The following ABTB2 variants were observed in gnomAD, a reference collection of about 807,000 sequenced individuals.
The protein encoded by ABTB2 is ankyrin repeat and BTB domain containing 2.
A neutral mutation model predicts 104.1 loss-of-function variants in ABTB2; 56 were observed. The ratio of observed to expected loss-of-function variants is 0.54; its 90% confidence interval spans 0.43 to 0.67. The LOEUF (loss-of-function observed/expected upper bound fraction) is 0.67. Among genes scored for constraint, ABTB2 ranks in the 30% least tolerant of loss-of-function variants. The pLI is 0.00. For synonymous variants in ABTB2, 606 were observed against 608.2 expected, an observed-to-expected ratio of 1.00 and a Z score of 0.05; for missense variants, 1,279 against 1,407.7, an observed-to-expected ratio of 0.91 and a Z score of 1.46.
chr11:34,200,869 G>A (rs1188043440), intron 2 of ABTB2, among the ~76,000 whole-genome samples: 5 of 152,024 alleles, frequency 3.3e-5, no homozygotes, highest in South Asian at 2.1e-4. Context: ...TCTGTGAACC[G>A]GGACAGGTCC....
intron 1 of ABTB2, among the ~76,000 whole-genome samples, chr11:34,331,108 T>C (rs1273827643): frequency 1.3e-5 from 2 of 152,186 alleles, no homozygotes; most frequent in Non-Finnish European, 1.5e-5. Flanking sequence ...ATGGGCTGCT[T>C]GCAGGAAAGA....
chr11:34,335,774 T>C (rs1327196944), intron 1 of ABTB2: 4 of 1,382,446 alleles, frequency 2.9e-6, no homozygotes, highest in South Asian at 2.3e-5. Context: ...TCAAAACCTA[T>C]GATCCCAGGA....
chr11:34,275,992 T>A (rs906726417), intron 1 of ABTB2, among the ~76,000 whole-genome samples: 1 of 152,276 alleles, frequency 6.6e-6, no homozygotes, highest in African/African-American at 2.4e-5. Flanking sequence ...CACTGTCAAA[T>A]ACCTGAACAG....
At chr11:34,162,408 G>A (rs546689737) in intron 10 of ABTB2, among the ~76,000 whole-genome samples, 168 bp downstream of exon 10, 32 of 152,290 alleles carry the variant, frequency 2.1e-4, no homozygotes, top group African/African-American at 6.3e-4. Context: ...TGAACTGGCC[G>A]TGTAGCAGGG....
intron 14 of ABTB2, among the ~76,000 whole-genome samples, chr11:34,156,600 C>A (rs914510048): frequency 6.6e-6 from 1 of 151,874 alleles, no homozygotes; most frequent in African/African-American, 2.4e-5. Flanking sequence ...CTCGGCTCAC[C>A]GCAACCTCCA....
intron 3 of ABTB2, among the ~76,000 whole-genome samples, 200 bp downstream of exon 3, chr11:34,197,125 C>CA (rs1190530307): frequency 6.9e-6 from 1 of 144,054 alleles, no homozygotes; most frequent in Non-Finnish European, 1.5e-5. Flanking sequence ...TGCATCAGCT[C>CA]AGAGGAAAAA....
intron 1 of ABTB2, among the ~76,000 whole-genome samples, chr11:34,272,732 C>CAAAAAAA (rs1491413447): frequency 1.1e-5 from 1 of 92,922 alleles, no homozygotes. Flanking sequence ...AAAAAAAAAA[C>CAAAAAAA]CAACCAACCA....
At chr11:34,288,285 T>G (rs957250734) in intron 1 of ABTB2, among the ~76,000 whole-genome samples, 4 of 152,344 alleles carry the variant, frequency 2.6e-5, no homozygotes, top group Non-Finnish European at 4.4e-5. Flanking sequence ...ATACTTGTCT[T>G]ATCACCTACT....
intron 1 of ABTB2, among the ~76,000 whole-genome samples, chr11:34,221,050 A>G (rs1197326072): frequency 1.3e-5 from 2 of 151,066 alleles, no homozygotes; most frequent in African/African-American, 4.9e-5. Context: ...GCTCACTGCA[A>G]CCTCCACCTC....
chr11:34,198,451 C>CA (rs11398663), intron 2 of ABTB2, among the ~76,000 whole-genome samples: 42,140 of 129,192 alleles, frequency 0.33, 5,922 homozygotes, highest in Non-Finnish European at 0.36. Context: ...CAAACAACAA[C>CA]AACAAAAAAA....
Position 34,159,906 on chromosome 11 carries a change from C to T in ABTB2, c.2606G>A (p.Arg869Lys). 1.2e-6 allele frequency: 2 copies of T among 1,612,044 alleles called. No homozygotes were observed. Among genetic ancestry groups the T allele is most frequent in the Non-Finnish European group, 8.5e-7 (1 of 1,178,224 alleles). Residue 869 changes from arginine (R) to lysine (K), a missense_variant and splice_region_variant, in exon 13 of 17, where the codon AGG becomes AAG. Transcript: ENST00000435224. ...GAGTTTGTTATCTGAGGCTGCCTAC[C>T]TGTTAGAAGCTGTCACCAGCAGGAC... ...HKVLLVTASN[R>K]FKTLMTNKSE... is the part of the protein sequence containing the mutation.
chr11:34,289,686 G>T (rs1222957558), intron 1 of ABTB2, among the ~76,000 whole-genome samples: 1 of 152,104 alleles, frequency 6.6e-6, no homozygotes, highest in Non-Finnish European at 1.5e-5. Flanking sequence ...CATCCAAATG[G>T]CTTCTTCTGG....
intron 1 of ABTB2, among the ~76,000 whole-genome samples, chr11:34,257,728 C>G (rs573569390): frequency 6.6e-6 from 1 of 152,266 alleles, no homozygotes; most frequent in South Asian, 2.1e-4. Flanking sequence ...GCTGGGGCTA[C>G]AGGCGTACAC....
At chr11:34,256,560 T>C (rs916170161) in intron 1 of ABTB2, among the ~76,000 whole-genome samples, 3 of 151,902 alleles carry the variant, frequency 2.0e-5, no homozygotes, top group African/African-American at 7.2e-5. Flanking sequence ...TTGTAGGGGG[T>C]TTGTTTGGGA....
intron 9 of ABTB2, among the ~76,000 whole-genome samples, 164 bp from the exon 10 acceptor site, chr11:34,162,969 C>T (rs1242734621): frequency 6.6e-6 from 1 of 152,160 alleles, no homozygotes; most frequent in Non-Finnish European, 1.5e-5. Flanking sequence ...GTCCCAGGGT[C>T]ACCAATCCCC....
intron 1 of ABTB2, among the ~76,000 whole-genome samples, chr11:34,302,190 C>T (rs1409006334): frequency 6.6e-6 from 1 of 152,168 alleles, no homozygotes; most frequent in Admixed American, 6.5e-5. Flanking sequence ...TTGTCTCCAC[C>T]CTCTTCCCCA....
chr11:34,170,586 G>A (rs1304162390), intron 5 of ABTB2, among the ~76,000 whole-genome samples: 1 of 152,158 alleles, frequency 6.6e-6, no homozygotes, highest in Non-Finnish European at 1.5e-5. Flanking sequence ...TGTACTACAG[G>A]GTTAGCGATC....
In ABTB2 at chr11:34,162,678, GC is replaced by G; in HGVS notation, c.2115del (p.Val707CysfsTer3). 1 of 1,613,056 alleles carries G rather than the reference GC, an allele frequency of 6.2e-7. No homozygotes were observed. Among genetic ancestry groups the G allele is most frequent in the Non-Finnish European group, 8.5e-7 (1 of 1,180,018 alleles). On this transcript the variant is annotated frameshift_variant, in exon 10 of 17. Transcript: ENST00000435224. LOFTEE classifies it high-confidence loss of function. Reference protein sequence around the residue: ...DASSQGSGSEGPVRLSRTRTK... With the variant: ...DASSQGSGSEXPVRLSRTRTK... ...GTGCGGGTCCGGCTCAGCCGCACGG[GC>G]CCCTCGCTGCCACTGCCCTGGCTCG...
At position 34,173,168 on chromosome 11, in the gene ABTB2, G is replaced by A; in HGVS notation, c.1384C>T (p.Pro462Ser). The A allele has an allele frequency of 6.2e-7, 1 of 1,613,828 alleles. No individual in the cohort carries two copies. The highest frequency in any genetic ancestry group is 8.5e-7 in the Non-Finnish European group (1 of 1,179,930). Residue 462 changes from proline (P) to serine (S), a missense_variant, in exon 4 of 17, where the codon CCT becomes TCT. Transcript: ENST00000435224. ...CCTGGTTCATACTTGAGCTGCCGAG[G>A]TTCACAGTCCAGACCAGGCAGCAGC... ...RLLLPGLDCE[P>S]RQLKPEHCFS...
Sources: gnomAD v4.1 joint callset for allele counts (sites outside exome capture counted in the v4.1 genomes callset) on GRCh38, gnomAD v4.1.1 for gene constraint, MANE v1.5 for transcripts, NCBI Gene and HGNC (gene_info 2026-07-23, HGNC 2026-07-21) for gene names.